Variants in MARCHF1 observed in about 807,000 individuals in gnomAD.
MARCHF1 encodes the protein membrane associated ring-CH-type finger 1, also known as E3 ubiquitin-protein ligase MARCHF1.
MARCHF1 carries 40 observed loss-of-function variants against 54.2 expected under a neutral mutation model. That is an observed-to-expected ratio of 0.74 (90% confidence interval 0.57 to 0.96). MARCHF1 has a LOEUF of 0.96. Among genes scored for constraint, MARCHF1 ranks in the 40% least tolerant of loss-of-function variants. MARCHF1 has a pLI of 0.00. For synonymous variants in MARCHF1, 236 were observed against 236.3 expected, an observed-to-expected ratio of 1.00 and a Z score of 0.01; for missense variants, 586 against 656.5, an observed-to-expected ratio of 0.89 and a Z score of 1.17.
At chr4:163,863,816 C>T (rs778905982) in intron 3 of MARCHF1, among the ~76,000 whole-genome samples, 4 of 151,774 alleles carry the variant, frequency 2.6e-5, no homozygotes, top group Admixed American at 2.0e-4. Context: ...AAACTTGTAG[C>T]GCTAGAAAGT....
chr4:164,144,211 C>T (rs965487599), intron 1 of MARCHF1, among the ~76,000 whole-genome samples: 6 of 150,614 alleles, frequency 4.0e-5, no homozygotes, highest in Non-Finnish European at 8.8e-5. Flanking sequence ...GACTCCCACA[C>T]ATTAATAATG....
intron 3 of MARCHF1, among the ~76,000 whole-genome samples, chr4:163,933,427 G>C (rs549782807): frequency 6.6e-6 from 1 of 152,182 alleles, no homozygotes; most frequent in East Asian, 1.9e-4. Flanking sequence ...GATTTGTCTT[G>C]GCCTTCCTAG....
At position 164,139,058 on chromosome 4, in the gene MARCHF1, T is replaced by C. The variant is rs1401876649; in HGVS notation, c.-322-27396A>G. ...TATTAAAGCAATGATTTTATTTTGG[T>C]CTAGTACATGAAACATAAGAGTTCT... is the stretch of plus-strand genomic sequence containing the variant. On this transcript the variant is annotated intron_variant, in intron 1 of 9. Coordinates refer to ENST00000514618, the MANE Select transcript of MARCHF1 (RefSeq NM_001394959.1). 2.0e-5 allele frequency among the ~76,000 whole-genome samples: 3 copies of C among 152,220 alleles called. No individual in the cohort carries two copies. In the East Asian group the frequency reaches 5.8e-4, roughly 29 times the overall value.
intron 5 of MARCHF1, among the ~76,000 whole-genome samples, chr4:163,689,644 C>T (rs77020919): frequency 0.012 from 1,843 of 151,638 alleles, 44 homozygotes; most frequent in African/African-American, 0.042. Context: ...TGTAAATTCA[C>T]CTGCGTGGAT....
At chr4:163,888,521 C>A (rs1295458245) in intron 3 of MARCHF1, among the ~76,000 whole-genome samples, 1 of 152,122 alleles carries the variant, frequency 6.6e-6, no homozygotes, top group Non-Finnish European at 1.5e-5. Context: ...TTTATTCCTT[C>A]TGCACTTTTG....
Position 163,612,447 on chromosome 4 carries a change from A to G in MARCHF1, c.834T>C (p.Ser278=). The change falls in exon 7 of 10, where the codon AGT becomes AGC. Residue 278 remains serine, a synonymous_variant. Transcript: ENST00000514618. Reference sequence around the variant, plus strand: ...TCTTCATTATTTCATTTTTCCTAAGACTTTGCAAGAGCTGAGGATCTCTGT... The same window carrying G: ...TCTTCATTATTTCATTTTTCCTAAGGCTTTGCAAGAGCTGAGGATCTCTGT... ...YHHRDPQLLQ[S]LRKNEIMKKT... The G allele has an allele frequency of 6.5e-7, 1 of 1,534,992 alleles. No homozygotes were observed. The highest frequency in any genetic ancestry group is 8.7e-7 in the Non-Finnish European group (1 of 1,146,360).
chr4:164,123,380 ACC>A (rs1756112213), intron 1 of MARCHF1, among the ~76,000 whole-genome samples: 1 of 152,130 alleles, frequency 6.6e-6, no homozygotes, highest in Non-Finnish European at 1.5e-5. Flanking sequence ...TACCCATACT[ACC>A]GAAAGCAATC....
chr4:164,018,811 T>C (rs917745926), intron 2 of MARCHF1, among the ~76,000 whole-genome samples: 4 of 152,268 alleles, frequency 2.6e-5, no homozygotes, highest in Admixed American at 6.5e-5. Flanking sequence ...GACATGGTGG[T>C]TTTCAAGTCA....
chr4:163,640,516 T>C (rs1345963290), intron 5 of MARCHF1, among the ~76,000 whole-genome samples: 3 of 152,064 alleles, frequency 2.0e-5, no homozygotes, highest in Non-Finnish European at 4.4e-5. Flanking sequence ...CAAGTGCAAA[T>C]ATAAAAGGAC....
chr4:163,801,200 C>T (rs976936415), intron 4 of MARCHF1, among the ~76,000 whole-genome samples: 3 of 152,008 alleles, frequency 2.0e-5, no homozygotes, highest in Non-Finnish European at 4.4e-5. Flanking sequence ...TTCCTCTACC[C>T]ATCCAAACCC....
At chr4:164,149,287 T>C (rs1299491148) in intron 1 of MARCHF1, among the ~76,000 whole-genome samples, 2 of 152,172 alleles carry the variant, frequency 1.3e-5, no homozygotes, top group Non-Finnish European at 2.9e-5. Flanking sequence ...TTTATAGCAA[T>C]GCAAAATGGA....
chr4:163,682,692 T>C (rs893794904), intron 5 of MARCHF1, among the ~76,000 whole-genome samples: 3 of 152,156 alleles, frequency 2.0e-5, no homozygotes, highest in African/African-American at 7.2e-5. Flanking sequence ...GCTGCTGTTC[T>C]CATAATAGTG....
intron 1 of MARCHF1, among the ~76,000 whole-genome samples, chr4:164,147,608 T>G: frequency 7.1e-6 from 1 of 139,994 alleles, no homozygotes; most frequent in Non-Finnish European, 1.5e-5. Flanking sequence ...CACTCATAGG[T>G]GGGAACTGAA....
At chr4:164,294,979 G>A (rs144337625) in intron 1 of MARCHF1, among the ~76,000 whole-genome samples, 1 of 152,062 alleles carries the variant, frequency 6.6e-6, no homozygotes, top group African/African-American at 2.4e-5. Context: ...CTCTGGCTGG[G>A]CCTGAGAATT....
chr4:164,280,773 G>A (rs933046453), intron 1 of MARCHF1, among the ~76,000 whole-genome samples: 1 of 151,960 alleles, frequency 6.6e-6, no homozygotes, highest in Non-Finnish European at 1.5e-5. Context: ...TATATTAAGT[G>A]GCTATATAGT....
chr4:164,000,367 C>T (rs947642498), intron 2 of MARCHF1, among the ~76,000 whole-genome samples: 1 of 151,690 alleles, frequency 6.6e-6, no homozygotes, highest in Non-Finnish European at 1.5e-5. Context: ...AAAGTCTTAA[C>T]AGATGGTAGT....
chr4:163,740,773 G>A (rs1746170745), intron 4 of MARCHF1, among the ~76,000 whole-genome samples: 1 of 152,158 alleles, frequency 6.6e-6, no homozygotes, highest in Non-Finnish European at 1.5e-5. Flanking sequence ...TCATGTTAAG[G>A]TAATGCGTTT....
intron 5 of MARCHF1, among the ~76,000 whole-genome samples, chr4:163,691,869 C>T (rs1454292160): frequency 6.6e-6 from 1 of 152,146 alleles, no homozygotes; most frequent in African/African-American, 2.4e-5. Context: ...CATAGCTACT[C>T]CCTTCTCTGG....
intron 1 of MARCHF1, among the ~76,000 whole-genome samples, chr4:164,368,785 G>A (rs1265304180): frequency 6.6e-6 from 1 of 152,114 alleles, no homozygotes; most frequent in East Asian, 1.9e-4. Flanking sequence ...TCCACAGTAA[G>A]GAGAAAAAGA....
Sources: allele counts gnomAD v4.1 joint callset (sites outside exome capture counted in the v4.1 genomes callset), GRCh38; gene constraint gnomAD v4.1.1; transcripts MANE v1.5; gene names NCBI Gene and HGNC (gene_info 2026-07-23, HGNC 2026-07-21).